Variants in VPS36 observed in about 807,000 individuals in gnomAD.
The protein encoded by VPS36 is vacuolar protein sorting 36 homolog.
VPS36 carries 31 observed loss-of-function variants against 63.5 expected under a neutral mutation model. The observed-to-expected ratio is 0.49, with a 90% CI of 0.37 to 0.66. The LOEUF (loss-of-function observed/expected upper bound fraction) is 0.66, where lower values mean the gene tolerates loss of function less well. Ranked by LOEUF, VPS36 falls within the 30% of genes least tolerant of loss-of-function variation. VPS36 has a pLI of 0.00. For missense variants in VPS36, 338 were observed against 463.7 expected (o/e 0.73, Z 2.49); for synonymous variants, 138 against 157.2 (o/e 0.88, Z 0.91).
At chr13:52,421,397 G>C (rs1477908508) in intron 10 of VPS36, among the ~76,000 whole-genome samples, 1 of 151,950 alleles carries the variant, frequency 6.6e-6, no homozygotes, top group Non-Finnish European at 1.5e-5. Flanking sequence ...GATGGAGAGA[G>C]GTTGGTCAGC....
At position 52,415,924 on chromosome 13, in the gene VPS36, C is replaced by T; in HGVS notation, c.1068-1G>A. The T allele has an allele frequency of 1.2e-6, 2 of 1,613,104 alleles. No individual in the cohort carries two copies. The highest frequency in any genetic ancestry group is 1.7e-6 in the Non-Finnish European group (2 of 1,179,810). On this transcript the variant is annotated splice_acceptor_variant, in intron 13 of 13. Transcript: ENST00000378060. LOFTEE classifies it high-confidence loss of function. ...GCCCATCTTCTCTGCAAGCAGCAACCTAAAAAAAAACAACAAAAAAACCCC... is the reference window on the plus strand; with the variant it reads ...GCCCATCTTCTCTGCAAGCAGCAACTTAAAAAAAAACAACAAAAAAACCCC...
At chr13:52,446,879 A>ATTTTT (rs531529195) in intron 1 of VPS36, among the ~76,000 whole-genome samples, 1 of 138,376 alleles carries the variant, frequency 7.2e-6, no homozygotes, top group Non-Finnish European at 1.5e-5. Flanking sequence ...GCATGCCATA[A>ATTTTT]TTTTTTTTTT....
At chr13:52,446,739 T>C (rs934185164) in intron 1 of VPS36, among the ~76,000 whole-genome samples, 4 of 152,158 alleles carry the variant, frequency 2.6e-5, no homozygotes, top group African/African-American at 9.7e-5. Context: ...TGTGTATGTA[T>C]ATATACACAG....
chr13:52,426,880 CATAAATA>C, intron 8 of VPS36, 102 bp downstream of exon 8: 1 of 680,008 alleles, frequency 1.5e-6, no homozygotes. Context: ...ATAAATAAAA[CATAAATA>C]ATAAATAAAA....
At position 52,436,365 on chromosome 13, in the gene VPS36, G is replaced by A; in HGVS notation, c.276C>T (p.Asn92=). 6.2e-7 allele frequency: 1 copy of A among 1,613,164 alleles called. No homozygotes were observed. The highest frequency in any genetic ancestry group is 8.5e-7 in the Non-Finnish European group (1 of 1,179,654). The change falls in exon 4 of 14, where the codon AAC becomes AAT. Residue 92 remains asparagine, a synonymous_variant. Coordinates refer to ENST00000378060, the MANE Select transcript of VPS36 (RefSeq NM_016075.4). ...IVVHLHPAPP[N]KEPGPFQSSK... The stretch of plus-strand genomic sequence containing the variant: ...TACTCTGGAATGGGCCAGGTTCTTT[G>A]TTAGGAGGAGCTGGGTGAAGATGAA...
intron 6 of VPS36, among the ~76,000 whole-genome samples, chr13:52,428,989 T>C (rs1486235903): frequency 1.3e-5 from 2 of 152,188 alleles, no homozygotes; most frequent in East Asian, 3.8e-4. Context: ...CTTTTATTTT[T>C]ATAATTATTA....
rs1043137472 is a variant in VPS36 at position 52,413,285 on chromosome 13, T to G, written c.*2545A>C. The G allele has an allele frequency of 6.6e-6, 1 of 152,192 alleles. No individual in the cohort carries two copies. The highest frequency in any genetic ancestry group is 1.5e-5 in the Non-Finnish European group (1 of 68,028). 9.4% of individuals were successfully genotyped at this position (152,192 alleles called of 1,614,324 possible). A position where few individuals can be genotyped will look rare whatever the true frequency, so the allele number is the denominator to read the frequency against. On this transcript the variant is annotated 3_prime_UTR_variant, in exon 14 of 14. Transcript: ENST00000378060. ...CTGAATATACATGGTCAGGTAACAG[T>G]GGAATTCACATCAAGAATTTTTTAA...
chr13:52,417,232 C>G (rs1034505759), intron 11 of VPS36, 91 bp from the exon 12 acceptor site: 21 of 1,082,800 alleles, frequency 1.9e-5, no homozygotes, highest in Non-Finnish European at 2.4e-5. Flanking sequence ...TTCTTTTATG[C>G]CCAGATATGA....
At chr13:52,433,184 C>T (rs1301850946) in intron 6 of VPS36, among the ~76,000 whole-genome samples, 1 of 152,186 alleles carries the variant, frequency 6.6e-6, no homozygotes, top group East Asian at 1.9e-4. Flanking sequence ...TGTACATGCT[C>T]AGGGTTGTCC....
chr13:52,423,993 C>T (rs921533425), intron 9 of VPS36, among the ~76,000 whole-genome samples: 29 of 151,978 alleles, frequency 1.9e-4, no homozygotes, highest in Admixed American at 1.8e-3. Flanking sequence ...GAGTAGCTGG[C>T]ACTACAGGCA....
intron 9 of VPS36, among the ~76,000 whole-genome samples, chr13:52,425,432 A>G (rs944677540): frequency 5.3e-5 from 8 of 152,168 alleles, no homozygotes; most frequent in African/African-American, 1.4e-4. Context: ...TTGCTTTAAA[A>G]TAATTTTGAG....
At position 52,434,774 on chromosome 13, in the gene VPS36, C is replaced by T. The variant is rs1208795996; in HGVS notation, c.441+19G>A. Reference sequence around the variant, plus strand: ...TACAGAGTTGAAAATACTGGATTAGCAAATAGTTTTAAAAATACCTGGGGT... The same window carrying T: ...TACAGAGTTGAAAATACTGGATTAGTAAATAGTTTTAAAAATACCTGGGGT... On this transcript the variant is annotated intron_variant, in intron 5 of 13. Transcript: ENST00000378060. 6 of 1,602,624 alleles carry T rather than the reference C, an allele frequency of 3.7e-6. No individual in the cohort carries two copies. Among genetic ancestry groups the T allele is most frequent in the South Asian group, 3.3e-5 (3 of 89,664 alleles).
intron 10 of VPS36, among the ~76,000 whole-genome samples, chr13:52,421,066 A>G (rs530125798): frequency 3.5e-4 from 53 of 152,198 alleles, no homozygotes; most frequent in Non-Finnish European, 6.5e-4. Context: ...GGTTTCAGTG[A>G]GCCAAGGTTG....
rs763749593 is a variant in VPS36 at position 52,414,526 on chromosome 13, G to A, written c.*1304C>T. ...GGGATCCCCTGGGTCTGCAGCTGAG[G>A]GTCCCTGGCACTTCCCAGAGGGCAC... On this transcript the variant is annotated 3_prime_UTR_variant, in exon 14 of 14. Coordinates refer to ENST00000378060, the MANE Select transcript of VPS36 (RefSeq NM_016075.4). The A allele has an allele frequency of 3.9e-5, 6 of 152,278 alleles. No homozygotes were observed. The highest frequency in any genetic ancestry group is 5.9e-5 in the Non-Finnish European group (4 of 68,096). The allele number at this position is 152,278 out of a possible 1,614,324, so 9.4% of individuals were successfully genotyped here. A position where few individuals can be genotyped will look rare whatever the true frequency, so the allele number is the denominator to read the frequency against.
At chr13:52,448,661 C>T (rs906132266) in intron 1 of VPS36, among the ~76,000 whole-genome samples, 1 of 152,236 alleles carries the variant, frequency 6.6e-6, no homozygotes, top group African/African-American at 2.4e-5. Context: ...GCTGCTTCAA[C>T]AATGTATCTT....
At chr13:52,427,253 T>A in intron 6 of VPS36, 34 bp from the exon 7 acceptor site, 1 of 1,600,954 alleles carries the variant, frequency 6.2e-7, no homozygotes, top group Non-Finnish European at 8.5e-7. Flanking sequence ...TTGAAATCCA[T>A]CTAAAGAATT....
chr13:52,417,821 G>A (rs1302531690), intron 11 of VPS36, among the ~76,000 whole-genome samples, 171 bp downstream of exon 11: 1 of 152,196 alleles, frequency 6.6e-6, no homozygotes, highest in Non-Finnish European at 1.5e-5. Context: ...ACAAGAGTCT[G>A]ACTCCTAGCC....
At chr13:52,426,886 T>C (rs1244746660) in intron 8 of VPS36, 103 bp downstream of exon 8, 2 of 690,958 alleles carry the variant, frequency 2.9e-6, no homozygotes, top group South Asian at 2.4e-5. Flanking sequence ...AAAACATAAA[T>C]AATAAATAAA....
At chr13:52,425,902 T>TA (rs761088319) in intron 9 of VPS36, 30 bp downstream of exon 9, 349 of 1,573,736 alleles carry the variant, frequency 2.2e-4, no homozygotes, top group Admixed American at 5.9e-4. Context: ...TAACACAGTT[T>TA]AAAAAAAAAC....
Sources: gnomAD v4.1 joint callset for allele counts (sites outside exome capture counted in the v4.1 genomes callset) on GRCh38, gnomAD v4.1.1 for gene constraint, MANE v1.5 for transcripts, NCBI Gene and HGNC (gene_info 2026-07-23, HGNC 2026-07-21) for gene names.